The following TMCO5A variants were observed in gnomAD, a reference collection of about 807,000 sequenced individuals.
The protein encoded by TMCO5A is transmembrane and coiled-coil domains 5A.
A neutral mutation model predicts 42.3 loss-of-function variants in TMCO5A; 34 were observed. That is an observed-to-expected ratio of 0.80 (90% CI 0.61 to 1.07). The LOEUF (loss-of-function observed/expected upper bound fraction) is 1.07, where lower values mean the gene tolerates loss of function less well. Ranked by LOEUF, TMCO5A falls within the 50% of genes least tolerant of loss-of-function variation. TMCO5A has a pLI of 0.00. For missense variants in TMCO5A, 357 were observed against 327.9 expected (o/e 1.09, Z -0.69); for synonymous variants, 131 against 115.6 (o/e 1.13, Z -0.86).
At chr15:37,961,905 C>T (rs1187822173) in intron 11 of TMCO5A, among the ~76,000 whole-genome samples, 1 of 152,060 alleles carries the variant, frequency 6.6e-6, no homozygotes, top group Non-Finnish European at 1.5e-5. Context: ...GGAAACTTTG[C>T]TGAATTCTTC....
At chr15:37,992,587 G>A in the TMCO5A span, among the ~76,000 whole-genome samples, 1 of 152,120 alleles carries the variant, frequency 6.6e-6, no homozygotes, top group Non-Finnish European at 1.5e-5. Flanking sequence ...CAAAGACATG[G>A]AATCAATCTA....
chr15:38,023,459 G>T, the TMCO5A span, among the ~76,000 whole-genome samples: 1 of 152,104 alleles, frequency 6.6e-6, no homozygotes, highest in Admixed American at 6.5e-5. Context: ...AGAGTAGTTT[G>T]ACCTCTTACA....
At chr15:38,033,042 C>T in the TMCO5A span, among the ~76,000 whole-genome samples, 3 of 151,674 alleles carry the variant, frequency 2.0e-5, no homozygotes, top group African/African-American at 4.8e-5. Context: ...ATTCTCCTGC[C>T]TCAGCCTCCC....
At chr15:38,035,923 G>C in the TMCO5A span, among the ~76,000 whole-genome samples, 1 of 152,160 alleles carries the variant, frequency 6.6e-6, no homozygotes, top group East Asian at 1.9e-4. Flanking sequence ...ATATGAATCA[G>C]ACACCAGATA....
intron 5 of TMCO5A, among the ~76,000 whole-genome samples, chr15:37,937,942 ACTC>A (rs1889583018): frequency 6.6e-6 from 1 of 151,982 alleles, no homozygotes; most frequent in South Asian, 2.1e-4. Context: ...TCAGGAAAGT[ACTC>A]CTGCTTTGAG....
chr15:37,988,299 A>T, the TMCO5A span, among the ~76,000 whole-genome samples: 1 of 152,000 alleles, frequency 6.6e-6, no homozygotes, highest in Non-Finnish European at 1.5e-5. Context: ...AAACAGAGAT[A>T]CTTTTACTTT....
At chr15:37,992,468 C>G in the TMCO5A span, among the ~76,000 whole-genome samples, 10 of 152,092 alleles carry the variant, frequency 6.6e-5, no homozygotes, top group African/African-American at 2.2e-4. Flanking sequence ...AACAGAAATA[C>G]CATTTGACCC....
rs753648554 is a variant in TMCO5A, at chr15:37,951,164, C to G, written c.797C>G (p.Thr266Ser). 7 of 1,613,644 alleles carry G rather than the reference C, an allele frequency of 4.3e-6. No homozygotes were observed. Among genetic ancestry groups the G allele is most frequent in the Non-Finnish European group, 5.1e-6 (6 of 1,179,844 alleles). Residue 266 changes from threonine to serine, a missense_variant, in exon 12 of 12, where the codon ACC becomes AGC. Transcript: ENST00000319669. ...NVLPKVLGRSTLWKLRCFFFP... is the reference protein window; with the variant it reads ...NVLPKVLGRSSLWKLRCFFFP... ...CTGCCCAAGGTACTGGGCAGGAGCA[C>G]CTTGTGGAAGCTCAGATGCTTCTTC...
At chr15:37,993,749 T>A in the TMCO5A span, among the ~76,000 whole-genome samples, 1 of 152,120 alleles carries the variant, frequency 6.6e-6, no homozygotes, top group Non-Finnish European at 1.5e-5. Context: ...CAATCATGGA[T>A]CAGATCATAG....
chr15:37,942,359 T>C (rs1889778008), intron 9 of TMCO5A, 104 bp downstream of exon 9: 1 of 1,051,690 alleles, frequency 9.5e-7, no homozygotes. Context: ...ATTGAATGAG[T>C]CCCGACGCCA....
the TMCO5A span, among the ~76,000 whole-genome samples, chr15:38,035,010 C>A: frequency 6.6e-6 from 1 of 152,164 alleles, no homozygotes; most frequent in East Asian, 1.9e-4. Context: ...CAAGCTGCAC[C>A]ACCTTGTACA....
chr15:37,940,279 G>A (rs1889685455), intron 6 of TMCO5A, among the ~76,000 whole-genome samples: 1 of 152,092 alleles, frequency 6.6e-6, no homozygotes, highest in Non-Finnish European at 1.5e-5. Context: ...TCTAGCCCCT[G>A]TCTACCTTAT....
At chr15:38,025,579 T>C in the TMCO5A span, among the ~76,000 whole-genome samples, 1 of 152,228 alleles carries the variant, frequency 6.6e-6, no homozygotes, top group South Asian at 2.1e-4. Flanking sequence ...ATATGTATTT[T>C]TTAAAATCAG....
intron 11 of TMCO5A, among the ~76,000 whole-genome samples, chr15:37,963,242 AG>A (rs1890477439): frequency 6.6e-6 from 1 of 152,082 alleles, no homozygotes. Flanking sequence ...ATGTTTTGAC[AG>A]GTTGTGTCAT....
chr15:37,944,213 A>G (rs1402784073), intron 10 of TMCO5A: 1 of 152,108 alleles, frequency 6.6e-6, no homozygotes, highest in Non-Finnish European at 1.5e-5. Flanking sequence ...GGCCATGTCC[A>G]TGGTTCTTAA....
the TMCO5A span, among the ~76,000 whole-genome samples, chr15:38,017,461 T>C: frequency 6.6e-6 from 1 of 152,170 alleles, no homozygotes; most frequent in Non-Finnish European, 1.5e-5. Flanking sequence ...GTAACCTGCC[T>C]GCCGGAGAGG....
downstream of TMCO5A, among the ~76,000 whole-genome samples, chr15:37,971,063 T>TGG (rs1187617212): frequency 3.3e-5 from 5 of 152,336 alleles, no homozygotes; most frequent in Admixed American, 6.5e-5. Context: ...GGACTCTGTG[T>TGG]GGGGGCTCTG....
At chr15:37,953,447 A>G (rs148239125), downstream of TMCO5A, among the ~76,000 whole-genome samples, 27 of 152,302 alleles carry the variant, frequency 1.8e-4, no homozygotes, top group East Asian at 5.0e-3. Flanking sequence ...GAATTCTTCC[A>G]GATTTTGCTT....
At chr15:37,969,164 T>C (rs1890627579), downstream of TMCO5A, among the ~76,000 whole-genome samples, 1 of 152,204 alleles carries the variant, frequency 6.6e-6, no homozygotes, top group Non-Finnish European at 1.5e-5. Context: ...CTGTGAATTA[T>C]GCTAGACTTG....
Sources: allele counts gnomAD v4.1 joint callset (sites outside exome capture counted in the v4.1 genomes callset), GRCh38; gene constraint gnomAD v4.1.1; transcripts MANE v1.5; gene names NCBI Gene and HGNC (gene_info 2026-07-23, HGNC 2026-07-21).